EFHC2: variants seen among roughly 807,000 people sequenced by gnomAD.
The protein encoded by EFHC2 is EF-hand domain-containing family member C2.
In EFHC2, 18 loss-of-function variants were observed where a neutral mutation model predicts 52.7. That is an observed-to-expected ratio of 0.34 (90% CI 0.24 to 0.51). The LOEUF (loss-of-function observed/expected upper bound fraction) is 0.51, where lower values mean the gene tolerates loss of function less well. EFHC2 is among the 20% of genes least tolerant of loss of function. EFHC2 has a pLI of 0.97. For synonymous variants in EFHC2, 203 were observed against 204.1 expected, an observed-to-expected ratio of 0.99 and a Z score of 0.04; for missense variants, 513 against 562.5, an observed-to-expected ratio of 0.91 and a Z score of 0.89.
rs767705229 is a variant in EFHC2 at position 44,248,392 on chromosome X, C to G, written c.991G>C (p.Glu331Gln). 8.3e-5 allele frequency: 98 copies of G among 1,185,498 alleles called. No homozygotes were observed. In the South Asian group the frequency reaches 1.8e-3, roughly 22 times the overall value. The part of the protein sequence containing the change: ...DRYKLGKVDQ[E>Q]FYKDSDLSLG... ...GACAGGTCACTATCTTTGTAAAACT[C>G]TTGGTCTACTTTTCCTAGCTAAAAA... Residue 331 changes from glutamate to glutamine, a missense_variant, in exon 7 of 15, where the codon GAG becomes CAG. By Grantham distance (29) the Glu-to-Gln change is conservative (BLOSUM62 2). Coordinates refer to ENST00000420999, the MANE Select transcript of EFHC2 (RefSeq NM_025184.4).
intron 1 of EFHC2, among the ~76,000 whole-genome samples, chrX:44,329,920 T>C (rs1034044578): frequency 3.7e-5 from 4 of 108,698 alleles, no homozygotes; most frequent in Non-Finnish European, 7.6e-5. Flanking sequence ...ACATTAAATA[T>C]AAAATGTAAA....
chrX:44,258,667 A>T (rs1205254513), intron 4 of EFHC2, among the ~76,000 whole-genome samples: 1 of 110,168 alleles, frequency 9.1e-6, no homozygotes, highest in Non-Finnish European at 1.9e-5. Context: ...CCTGGCCAAG[A>T]TGGTGAAACC....
At chrX:44,266,332 A>C (rs954328637) in intron 3 of EFHC2, among the ~76,000 whole-genome samples, 3 of 111,218 alleles carry the variant, frequency 2.7e-5, no homozygotes. Flanking sequence ...CCAGATAAAC[A>C]ACAAAGAATT....
intron 1 of EFHC2, among the ~76,000 whole-genome samples, chrX:44,343,030 T>C (rs2038161794): frequency 9.1e-6 from 1 of 110,486 alleles, no homozygotes; most frequent in African/African-American, 3.3e-5. Flanking sequence ...AAGTGCCAGA[T>C]TTCTTCAATT....
intron 3 of EFHC2, among the ~76,000 whole-genome samples, chrX:44,268,336 A>C (rs2037592682): frequency 8.9e-6 from 1 of 111,759 alleles, no homozygotes; most frequent in African/African-American, 3.2e-5. Flanking sequence ...GAAAGAATTG[A>C]GAAGTCTTAA....
intron 11 of EFHC2, among the ~76,000 whole-genome samples, chrX:44,210,455 G>T (rs2037086818): frequency 8.9e-6 from 1 of 112,352 alleles, no homozygotes; most frequent in African/African-American, 3.2e-5. Flanking sequence ...CAGTAATCAA[G>T]AAAATGCGGT....
chrX:44,334,571 G>A (rs1474395650), intron 1 of EFHC2, among the ~76,000 whole-genome samples: 6 of 112,198 alleles, frequency 5.3e-5, no homozygotes, highest in African/African-American at 1.9e-4. Context: ...TGCCTCCCAG[G>A]TTCAAGTGAT....
chrX:44,173,504 T>A (rs1307015769), intron 13 of EFHC2, among the ~76,000 whole-genome samples: 1 of 111,835 alleles, frequency 8.9e-6, no homozygotes, highest in African/African-American at 3.3e-5. Flanking sequence ...TCTGCAGAGA[T>A]GATGCAAAAC....
At chrX:44,341,216 G>C (rs185139670) in intron 1 of EFHC2, among the ~76,000 whole-genome samples, 1 of 111,776 alleles carries the variant, frequency 8.9e-6, no homozygotes, top group East Asian at 2.8e-4. Flanking sequence ...CCTAATTATA[G>C]TGATAGGAGC....
In EFHC2 at chrX:44,248,906, G is replaced by C. The variant is rs1305945074; in HGVS notation, c.869C>G (p.Pro290Arg). The change falls in exon 6 of 15, where the codon CCT (proline) becomes CGT (arginine). Residue 290 changes from proline to arginine, a missense_variant. Coordinates refer to ENST00000420999, the MANE Select transcript of EFHC2 (RefSeq NM_025184.4). ...RRSKLPKNCP[P>R]RVYQPGQITD... is the part of the protein sequence containing the mutation. ...TATCTGGCCTGGTTGATAGACTCTA[G>C]GTGGGCAATTCTGGAAGACAAAATC... The C allele has an allele frequency of 1.1e-5, 13 of 1,187,802 alleles. No homozygotes were observed. The highest frequency in any genetic ancestry group is 1.5e-5 in the Non-Finnish European group (13 of 881,636).
intron 2 of EFHC2, among the ~76,000 whole-genome samples, chrX:44,294,605 A>G (rs2037815088): frequency 9.0e-6 from 1 of 111,585 alleles, no homozygotes; most frequent in Non-Finnish European, 1.9e-5. Context: ...ACTAATGGAA[A>G]ATAATACAAA....
intron 2 of EFHC2, chrX:44,310,394 A>T: frequency 9.9e-7 from 1 of 1,015,143 alleles, no homozygotes; most frequent in Non-Finnish European, 1.3e-6. Flanking sequence ...CACCTTGTCG[A>T]CCAGGCTGAG....
At chrX:44,216,393 G>C (rs2037149170) in intron 11 of EFHC2, among the ~76,000 whole-genome samples, 1 of 111,592 alleles carries the variant, frequency 9.0e-6, no homozygotes, top group Admixed American at 9.5e-5. Flanking sequence ...GTGTAGCCTG[G>C]GCTTCTTCAT....
At chrX:44,275,092 T>A (rs2037646185) in intron 2 of EFHC2, among the ~76,000 whole-genome samples, 1 of 111,621 alleles carries the variant, frequency 9.0e-6, no homozygotes, top group Non-Finnish European at 1.9e-5. Context: ...GCTGCCAGTA[T>A]AAATTTGAGA....
intron 8 of EFHC2, among the ~76,000 whole-genome samples, chrX:44,236,915 G>A (rs769498392): frequency 8.9e-6 from 1 of 111,738 alleles, no homozygotes; most frequent in East Asian, 2.8e-4. Context: ...AACTGAGGAA[G>A]GTCTAACTTC....
rs1168452360 is a variant in EFHC2 at position 44,259,787 on chromosome X, T to A, written c.606+1288A>T. On this transcript the variant is annotated intron_variant, in intron 4 of 14. Coordinates refer to ENST00000420999, the MANE Select transcript of EFHC2 (RefSeq NM_025184.4). ...TTTCATCCAGGGCATTTGGAAAAAA[T>A]AAAAATGAATCCAAACCAAAAAAAA... 2.7e-5 allele frequency among the ~76,000 whole-genome samples: 3 copies of A among 111,233 alleles called. No individual in the cohort carries two copies. The East Asian group carries it at 8.5e-4, about 31-fold the overall frequency.
chrX:44,291,521 T>C (rs779036807), intron 2 of EFHC2, among the ~76,000 whole-genome samples: 17 of 112,290 alleles, frequency 1.5e-4, no homozygotes, highest in African/African-American at 3.9e-4. Context: ...AATATAAGCA[T>C]TCATAAAATT....
chrX:44,250,198 G>A lies in EFHC2; in HGVS notation c.854C>T (p.Pro285Leu). Residue 285 changes from proline (P) to leucine (L), a missense_variant, in exon 5 of 15, where the codon CCC (proline) becomes CTC (leucine). Physicochemically the swap from Pro to Leu is moderately conservative, Grantham distance 98 (BLOSUM62 -3). Coordinates refer to ENST00000420999, the MANE Select transcript of EFHC2 (RefSeq NM_025184.4). ...LKMFLRRSKL[P>L]KNCPPRVYQP... is the part of the protein sequence containing the mutation. ...GTGGTTATATCCACTGCTCACCTTG[G>A]GTAGCTTACTCCTCCGGAGGAACAT... 1 of 1,209,062 alleles carries A rather than the reference G, an allele frequency of 8.3e-7. No homozygotes were observed. Among genetic ancestry groups the A allele is most frequent in the South Asian group, 1.8e-5 (1 of 56,426 alleles).
chrX:44,198,910 A>G (rs1347000855), intron 11 of EFHC2, among the ~76,000 whole-genome samples: 1 of 112,291 alleles, frequency 8.9e-6, no homozygotes, highest in African/African-American at 3.2e-5. Flanking sequence ...AGAGATGACA[A>G]TGAGGCTTTT....
Sources: gnomAD v4.1 joint callset for allele counts (sites outside exome capture counted in the v4.1 genomes callset) on GRCh38, gnomAD v4.1.1 for gene constraint, MANE v1.5 for transcripts, NCBI Gene and HGNC (gene_info 2026-07-23, HGNC 2026-07-21) for gene names.